The following CACNA2D1 variants were observed in gnomAD, a reference collection of about 807,000 sequenced individuals.
CACNA2D1 encodes the protein calcium voltage-gated channel auxiliary subunit alpha2delta 1.
A neutral mutation model predicts 171.5 loss-of-function variants in CACNA2D1; 53 were observed. That is an observed-to-expected ratio of 0.31 (90% CI 0.25 to 0.39). The LOEUF is 0.39. CACNA2D1 is among the 10% of genes least tolerant of loss of function. The pLI, the probability that CACNA2D1 is intolerant of heterozygous loss-of-function variation, is 1.00. For synonymous variants in CACNA2D1, 442 were observed against 443.1 expected, an observed-to-expected ratio of 1.00 and a Z score of 0.03; for missense variants, 903 against 1,299.8, an observed-to-expected ratio of 0.69 and a Z score of 4.69.
intron 12 of CACNA2D1, chr7:82,021,001 T>A (rs1224227735): frequency 2.6e-5 from 4 of 152,192 alleles, no homozygotes; most frequent in Non-Finnish European, 5.9e-5. Context: ...TACCTGTGGG[T>A]GTATGACATA....
chr7:82,227,401 G>A (rs1215058273), intron 3 of CACNA2D1, among the ~76,000 whole-genome samples: 3 of 152,124 alleles, frequency 2.0e-5, no homozygotes, highest in African/African-American at 7.2e-5. Flanking sequence ...TAATGATTTT[G>A]GGCAAGGCTC....
At chr7:82,259,858 G>T in intron 3 of CACNA2D1, among the ~76,000 whole-genome samples, 1 of 152,124 alleles carries the variant, frequency 6.6e-6, no homozygotes, top group Non-Finnish European at 1.5e-5. Context: ...TTGTTTTTGA[G>T]GATCTTTGTC....
intron 12 of CACNA2D1, chr7:82,021,223 A>C (rs1205110979): frequency 6.6e-6 from 1 of 152,166 alleles, no homozygotes; most frequent in Admixed American, 6.6e-5. Context: ...TATAAGCTGT[A>C]TGGTGATTTA....
intron 3 of CACNA2D1, among the ~76,000 whole-genome samples, chr7:82,205,034 T>C (rs1799869658): frequency 6.6e-6 from 1 of 152,172 alleles, no homozygotes; most frequent in Non-Finnish European, 1.5e-5. Flanking sequence ...CTGCTGACAC[T>C]GTACATGCAG....
At chr7:82,226,550 C>T (rs10486952) in intron 3 of CACNA2D1, among the ~76,000 whole-genome samples, 6,920 of 152,010 alleles carry the variant, frequency 0.046, 404 homozygotes, top group Admixed American at 0.13. Context: ...TCAGAGGGAT[C>T]GATTAAAAAG....
chr7:82,089,345 G>C (rs1810859089), intron 6 of CACNA2D1, among the ~76,000 whole-genome samples: 1 of 152,098 alleles, frequency 6.6e-6, no homozygotes, highest in Non-Finnish European at 1.5e-5. Flanking sequence ...AGTAAAATTA[G>C]TTCTCATTTT....
intron 12 of CACNA2D1, among the ~76,000 whole-genome samples, chr7:82,023,689 T>A (rs1801533326): frequency 6.6e-6 from 1 of 151,800 alleles, no homozygotes; most frequent in Non-Finnish European, 1.5e-5. Context: ...TGGTGAGATC[T>A]ACCATCCTAA....
At chr7:82,339,568 C>T (rs1224874189) in intron 2 of CACNA2D1, among the ~76,000 whole-genome samples, 2 of 152,176 alleles carry the variant, frequency 1.3e-5, no homozygotes, top group Non-Finnish European at 2.9e-5. Context: ...AAGAAGTTAA[C>T]TTCTGAGTCA....
intron 24 of CACNA2D1, among the ~76,000 whole-genome samples, chr7:81,979,581 C>G (rs781177874): frequency 2.6e-5 from 4 of 152,128 alleles, no homozygotes; most frequent in Non-Finnish European, 4.4e-5. Flanking sequence ...GCCAACATAG[C>G]AGGCCTAATT....
chr7:82,385,655 G>GTTTTGTTTTGTTGTTTCTTGTTGTTTTT (rs372745687), intron 1 of CACNA2D1, among the ~76,000 whole-genome samples: 3,652 of 151,740 alleles, frequency 0.024, 165 homozygotes, highest in African/African-American at 0.084. Flanking sequence ...TGGTTGTTTT[G>GTTTTGTTTTGTTGTTTCTTGTTGTTTTT]TTTTGTTTTG....
At chr7:82,051,375 A>G (rs1805179901) in intron 10 of CACNA2D1, among the ~76,000 whole-genome samples, 1 of 151,882 alleles carries the variant, frequency 6.6e-6, no homozygotes, top group Non-Finnish European at 1.5e-5. Flanking sequence ...ACTGCTGCTT[A>G]GCGACTACAA....
intron 3 of CACNA2D1, among the ~76,000 whole-genome samples, chr7:82,236,222 G>A (rs1014668677): frequency 7.2e-5 from 11 of 152,104 alleles, no homozygotes; most frequent in Non-Finnish European, 1.5e-4. Context: ...TATAGAATGT[G>A]AAACCCAACT....
At chr7:82,277,332 G>C (rs967577299) in intron 3 of CACNA2D1, among the ~76,000 whole-genome samples, 2 of 152,004 alleles carry the variant, frequency 1.3e-5, no homozygotes, top group Non-Finnish European at 2.9e-5. Flanking sequence ...CCCCCGAGTA[G>C]CTGGGACTAC....
chr7:82,382,478 C>T (rs1424185048), intron 1 of CACNA2D1, among the ~76,000 whole-genome samples: 1 of 152,190 alleles, frequency 6.6e-6, no homozygotes, highest in South Asian at 2.1e-4. Flanking sequence ...TGCACCTGCT[C>T]TTTTCAAGTA....
At chr7:82,139,779 T>A (rs1792125928) in intron 4 of CACNA2D1, among the ~76,000 whole-genome samples, 1 of 148,504 alleles carries the variant, frequency 6.7e-6, no homozygotes, top group Non-Finnish European at 1.5e-5. Context: ...ATTTGACATT[T>A]CCTTTTTTTT....
chr7:81,996,858 T>G (rs1162985689), intron 19 of CACNA2D1, among the ~76,000 whole-genome samples: 1 of 151,990 alleles, frequency 6.6e-6, no homozygotes, highest in Non-Finnish European at 1.5e-5. Flanking sequence ...TTCAACACTA[T>G]AACAACATCC....
chr7:81,991,234 T>C lies in CACNA2D1; in HGVS notation c.1747A>G (p.Lys583Glu). 1 of 1,509,322 alleles carries C rather than the reference T, an allele frequency of 6.6e-7. No individual in the cohort carries two copies. The highest frequency in any genetic ancestry group is 2.3e-5 in the East Asian group (1 of 44,248). The allele number at this position is 1,509,322 out of a possible 1,614,324, so 93.5% of individuals were successfully genotyped here. A position where few individuals can be genotyped will look rare whatever the true frequency, so the allele number is the denominator to read the frequency against. ...GTCCATGTGTATGTCCTGTTTCCTT[T>C]GTCAATATATCTCTAGAAAGAAGTT... is the stretch of plus-strand genomic sequence containing the variant. ...VKSQDERYID[K>E]GNRTYTWTPV... is the part of the protein sequence containing the mutation. The change falls in exon 21 of 39, where the codon AAA becomes GAA. Residue 583 changes from lysine to glutamate, a missense_variant. Physicochemically the swap from Lys to Glu is moderately conservative, Grantham distance 56. Around this residue, in one of 5 missense-constraint regions of CACNA2D1, gnomAD observed 623 missense variants for 925.5 expected, o/e 0.67. Coordinates refer to ENST00000356860, the MANE Select transcript of CACNA2D1 (RefSeq NM_000722.4).
intron 5 of CACNA2D1, among the ~76,000 whole-genome samples, chr7:82,135,676 T>G (rs1040029689): frequency 7.2e-5 from 11 of 152,146 alleles, no homozygotes; most frequent in African/African-American, 2.7e-4. Flanking sequence ...GTTTTCTCAT[T>G]TTTTAAGACC....
At chr7:82,191,680 A>G (rs963993796) in intron 3 of CACNA2D1, among the ~76,000 whole-genome samples, 11 of 152,002 alleles carry the variant, frequency 7.2e-5, no homozygotes, top group Admixed American at 7.2e-4. Context: ...CATAACATGA[A>G]TAAATAATTT....
Sources: gnomAD v4.1 joint callset for allele counts (sites outside exome capture counted in the v4.1 genomes callset) on GRCh38, gnomAD v4.1.1 for gene constraint, gnomAD v4.1.1 regional missense constraint, MANE v1.5 for transcripts, NCBI Gene and HGNC (gene_info 2026-07-23, HGNC 2026-07-21) for gene names.